Variants in AGXT2 observed in about 807,000 individuals in gnomAD.
AGXT2 encodes alanine--glyoxylate aminotransferase 2.
Under a neutral mutation model 62.5 loss-of-function variants are expected in AGXT2, and 61 were observed. That is an observed-to-expected ratio of 0.98 (90% CI 0.79 to 1.21). The LOEUF (loss-of-function observed/expected upper bound fraction) is 1.21. Ranked by LOEUF, AGXT2 falls within the 50% of genes most tolerant of loss-of-function variation. The pLI, the probability that AGXT2 is intolerant of heterozygous loss-of-function variation, is 0.00. For synonymous variants in AGXT2, 243 were observed against 218.7 expected (o/e 1.11, Z -0.98); for missense variants, 666 against 641.5 (o/e 1.04, Z -0.41).
chr5:35,009,125 T>C (rs1335081885), intron 12 of AGXT2, among the ~76,000 whole-genome samples: 1 of 151,940 alleles, frequency 6.6e-6, no homozygotes, highest in Non-Finnish European at 1.5e-5. Flanking sequence ...TTGGGAGAAA[T>C]ATCTGGTTTG....
intron 7 of AGXT2, among the ~76,000 whole-genome samples, chr5:35,030,444 G>T (rs796348890): frequency 9.2e-5 from 14 of 152,280 alleles, no homozygotes; most frequent in African/African-American, 3.4e-4. Context: ...GGAGGCGGAG[G>T]TTGCAGTGAG....
intron 1 of AGXT2, among the ~76,000 whole-genome samples, chr5:35,045,542 A>G (rs1290316399): frequency 3.3e-5 from 5 of 152,156 alleles, no homozygotes; most frequent in Admixed American, 3.3e-4. Flanking sequence ...CTGGTGCATA[A>G]TAGATGCTCA....
At chr5:35,006,113 A>G (rs1257555033) in intron 12 of AGXT2, among the ~76,000 whole-genome samples, 4 of 152,102 alleles carry the variant, frequency 2.6e-5, no homozygotes, top group Admixed American at 2.6e-4. Flanking sequence ...GTATATTTGG[A>G]CTTAGTCTTC....
chr5:34,998,576 G>A lies in AGXT2; in HGVS notation c.*143C>T, dbSNP rs1399713913. 1 of 686,450 alleles carries A rather than the reference G, an allele frequency of 1.5e-6. No homozygotes were observed. Among genetic ancestry groups the A allele is most frequent in the East Asian group, 2.7e-5 (1 of 37,142 alleles). The allele number at this position is 686,450 out of a possible 1,614,324, so 42.5% of individuals were successfully genotyped here. A position where few individuals can be genotyped will look rare whatever the true frequency, so the allele number is the denominator to read the frequency against. ...GCTCTGCTAACAAATATGGTTGGTA[G>A]GCAGTCAACCATGACTTTTACAGCT... is the stretch of plus-strand genomic sequence containing the variant. On this transcript the variant is annotated 3_prime_UTR_variant, in exon 14 of 14. Transcript: ENST00000231420.
At chr5:35,021,664 C>T (rs548909076) in intron 9 of AGXT2, among the ~76,000 whole-genome samples, 2 of 152,122 alleles carry the variant, frequency 1.3e-5, no homozygotes, top group African/African-American at 4.8e-5. Context: ...CAGGCATGGG[C>T]AAGGACTTCA....
In AGXT2 at chr5:35,016,473, T is replaced by C. The variant is rs574026946; in HGVS notation, c.964-2354A>G. On this transcript the variant is annotated intron_variant, in intron 9 of 13. Coordinates refer to ENST00000231420, the MANE Select transcript of AGXT2 (RefSeq NM_031900.4). ...GTAACAACATTACATTAAAAATTTATAACAGTATTGTAACCTGACCAAGGA... is the reference window on the plus strand; with the variant it reads ...GTAACAACATTACATTAAAAATTTACAACAGTATTGTAACCTGACCAAGGA... 2.6e-5 allele frequency among the ~76,000 whole-genome samples: 4 copies of C among 152,320 alleles called. No individual in the cohort carries two copies. The South Asian group carries it at 8.3e-4, about 32-fold the overall frequency.
chr5:35,037,603 T>C (rs534697162), intron 3 of AGXT2, among the ~76,000 whole-genome samples: 1 of 147,690 alleles, frequency 6.8e-6, no homozygotes, highest in Non-Finnish European at 1.5e-5. Context: ...GGGCAGTGGC[T>C]ATTCACAGGC....
rs1031543005 is a variant in AGXT2, at chr5:34,998,298, T to C, written c.*421A>G. On this transcript the variant is annotated 3_prime_UTR_variant, in exon 14 of 14. Transcript: ENST00000231420. Reference sequence around the variant, plus strand: ...CAGGAATCTCGTCATGAACATATGGTGTTCTCAGCGCAACAAGAAGACATC... The same window carrying C: ...CAGGAATCTCGTCATGAACATATGGCGTTCTCAGCGCAACAAGAAGACATC... 30 of 238,534 alleles carry C rather than the reference T, an allele frequency of 1.3e-4. No homozygotes were observed. Among genetic ancestry groups the C allele is most frequent in the Non-Finnish European group, 1.9e-4 (23 of 122,080 alleles). 14.8% of individuals were successfully genotyped at this position (238,534 alleles called of 1,614,324 possible).
Position 35,025,768 on chromosome 5 carries a change from C to CA in AGXT2, c.957_958insT (p.Asp320Ter). On this transcript the variant is annotated frameshift_variant, in exon 9 of 14. Transcript: ENST00000231420. LOFTEE classifies it high-confidence loss of function. ...CACCCTTACATGCCACTTACTTCAT[C>CA]TGCAATGCACACGCCTCCCCTTGCT... The CA allele has an allele frequency of 6.2e-7, 1 of 1,614,138 alleles. No individual in the cohort carries two copies. Among genetic ancestry groups the CA allele is most frequent in the Non-Finnish European group, 8.5e-7 (1 of 1,179,986 alleles).
chr5:35,031,335 T>C (rs1032609974), intron 7 of AGXT2, among the ~76,000 whole-genome samples: 1 of 152,222 alleles, frequency 6.6e-6, no homozygotes, highest in African/African-American at 2.4e-5. Flanking sequence ...TTGTCTTCTT[T>C]CACTACTTAC....
At chr5:35,029,671 C>T (rs771289041) in intron 7 of AGXT2, among the ~76,000 whole-genome samples, 3 of 152,160 alleles carry the variant, frequency 2.0e-5, no homozygotes, top group Non-Finnish European at 4.4e-5. Flanking sequence ...CAAGAAAGAA[C>T]TACAATTTTT....
intron 13 of AGXT2, among the ~76,000 whole-genome samples, chr5:35,001,838 A>T (rs1766238099): frequency 6.6e-6 from 1 of 152,116 alleles, no homozygotes; most frequent in Admixed American, 6.6e-5. Context: ...AATATCTTTT[A>T]AAAAATATTT....
chr5:35,022,494 A>T (rs1165506036), intron 9 of AGXT2, among the ~76,000 whole-genome samples: 1 of 148,826 alleles, frequency 6.7e-6, no homozygotes, highest in Non-Finnish European at 1.5e-5. Context: ...AGCACCGCAT[A>T]TTCTCACTCA....
intron 7 of AGXT2, among the ~76,000 whole-genome samples, chr5:35,031,044 G>A (rs1222440816): frequency 6.6e-6 from 1 of 152,198 alleles, no homozygotes; most frequent in Non-Finnish European, 1.5e-5. Flanking sequence ...CCATGCCAGG[G>A]CTGAGAGTGG....
intron 9 of AGXT2, among the ~76,000 whole-genome samples, chr5:35,023,075 G>A (rs181855421): frequency 3.9e-4 from 56 of 143,732 alleles, no homozygotes; most frequent in South Asian, 4.4e-4. Flanking sequence ...CTTTTATTCC[G>A]ATATTGTTTT....
intron 12 of AGXT2, among the ~76,000 whole-genome samples, chr5:35,008,452 T>A (rs1181414368): frequency 2.0e-5 from 3 of 152,210 alleles, no homozygotes; most frequent in African/African-American, 7.2e-5. Context: ...GGAGTATAGA[T>A]AACTTTCAGG....
rs749175141 is a variant in AGXT2, at chr5:35,037,070, A to G, written c.363-5T>C. On this transcript the variant is annotated splice_region_variant and splice_polypyrimidine_tract_variant and intron_variant, in intron 3 of 13. Transcript: ENST00000231420. Reference sequence around the variant, plus strand: ...TGTGCCACTGCATTCACCTTTCTGGATAAGCAGTACAGCAGAGTTACCTGC... The same window carrying G: ...TGTGCCACTGCATTCACCTTTCTGGGTAAGCAGTACAGCAGAGTTACCTGC... 5 of 1,613,828 alleles carry G rather than the reference A, an allele frequency of 3.1e-6. No homozygotes were observed. The Admixed American group carries it at 8.3e-5, about 27-fold the overall frequency.
chr5:35,030,515 A>T (rs1297893695), intron 7 of AGXT2, among the ~76,000 whole-genome samples: 2 of 152,176 alleles, frequency 1.3e-5, no homozygotes, highest in East Asian at 3.9e-4. Flanking sequence ...TCTCAAAAAA[A>T]AAAATACATA....
intron 4 of AGXT2, 124 bp from the exon 5 acceptor site, chr5:35,035,440 G>A (rs934411427): frequency 2.9e-5 from 23 of 780,856 alleles, no homozygotes; most frequent in Admixed American, 2.1e-4. Context: ...AGACCAGCTC[G>A]GGTTACCCAG....
Sources: gnomAD v4.1 joint callset for allele counts (sites outside exome capture counted in the v4.1 genomes callset) on GRCh38, gnomAD v4.1.1 for gene constraint, MANE v1.5 for transcripts, NCBI Gene and HGNC (gene_info 2026-07-23, HGNC 2026-07-21) for gene names.